Variants in HSF2BP observed in about 807,000 individuals in gnomAD.
The protein encoded by HSF2BP is heat shock factor 2-binding protein.
A neutral mutation model predicts 35.0 loss-of-function variants in HSF2BP; 35 were observed. The observed-to-expected ratio is 1.00, with a 90% CI of 0.76 to 1.32. HSF2BP has a LOEUF of 1.32. Among genes scored for constraint, HSF2BP ranks in the 40% most tolerant of loss-of-function variants. HSF2BP has a pLI of 0.00. For missense variants in HSF2BP, 326 were observed against 321.7 expected, an observed-to-expected ratio of 1.01 and a Z score of -0.10; for synonymous variants, 114 against 117.4, an observed-to-expected ratio of 0.97 and a Z score of 0.18.
At chr21:43,604,822 C>T (rs751523158) in intron 7 of HSF2BP, among the ~76,000 whole-genome samples, 56 of 136,146 alleles carry the variant, frequency 4.1e-4, no homozygotes, top group Non-Finnish European at 6.6e-4. Context: ...CCACCCACAT[C>T]GCACACCACA....
chr21:43,604,870 ATACACACCATACAC>A (rs1442646079), intron 7 of HSF2BP, among the ~76,000 whole-genome samples: 3 of 121,246 alleles, frequency 2.5e-5, no homozygotes, highest in African/African-American at 9.4e-5. Context: ...CACACACCAC[ATACACACCATACAC>A]TACACACCAC....
At chr21:43,591,179 A>G (rs1447620639) in intron 8 of HSF2BP, among the ~76,000 whole-genome samples, 1 of 152,234 alleles carries the variant, frequency 6.6e-6, no homozygotes, top group African/African-American at 2.4e-5. Flanking sequence ...TTATGATGAA[A>G]TTGGGACAGA....
At chr21:43,622,780 C>T (rs182623236) in intron 6 of HSF2BP, among the ~76,000 whole-genome samples, 88 of 152,132 alleles carry the variant, frequency 5.8e-4, no homozygotes, top group African/African-American at 2.0e-3. Context: ...AAAAAAAAAT[C>T]AACAAAGAAA....
Position 43,632,049 on chromosome 21 carries a change from T to TC in HSF2BP, c.441+1222dup, listed in dbSNP as rs140069817. 1.4e-3 allele frequency among the ~76,000 whole-genome samples: 13 copies of TC among 9,266 alleles called. 1 individual carries two copies. Among genetic ancestry groups the TC allele is most frequent in the South Asian group, 0.015 (2 of 134 alleles). 6.1% of individuals were successfully genotyped at this position (9,266 alleles called of 152,430 possible). ...CACATGCTCCCACACACACACACGC[T>TC]CCCCCCCCACACACGCTCCCACATA... On this transcript the variant is annotated intron_variant, in intron 5 of 8. Coordinates refer to ENST00000291560, the MANE Select transcript of HSF2BP (RefSeq NM_007031.2).
chr21:43,654,261 G>A (rs981642702), intron 3 of HSF2BP, among the ~76,000 whole-genome samples: 14 of 152,188 alleles, frequency 9.2e-5, no homozygotes, highest in African/African-American at 3.4e-4. Flanking sequence ...ATACAAGTAA[G>A]AAGATCCCAC....
At chr21:43,578,902 TA>T (rs1451445430) in intron 8 of HSF2BP, among the ~76,000 whole-genome samples, 2 of 152,026 alleles carry the variant, frequency 1.3e-5, no homozygotes, top group African/African-American at 4.8e-5. Flanking sequence ...AAGAGAAGAC[TA>T]GTTGTGTACC....
chr21:43,632,351 T>C (rs931464869), intron 5 of HSF2BP, among the ~76,000 whole-genome samples: 78 of 15,050 alleles, frequency 5.2e-3, no homozygotes, highest in Non-Finnish European at 6.1e-3. Context: ...CATGCTCCCA[T>C]ACACACACGC....
At chr21:43,572,987 T>C (rs1357375159) in intron 8 of HSF2BP, among the ~76,000 whole-genome samples, 1 of 152,240 alleles carries the variant, frequency 6.6e-6, no homozygotes, top group Non-Finnish European at 1.5e-5. Context: ...AGTGAGAAGT[T>C]TCCCTTGTTC....
Position 43,656,647 on chromosome 21 carries a change from G to A in HSF2BP, c.127C>T (p.Pro43Ser), listed in dbSNP as rs766950991. 6.2e-7 allele frequency: 1 copy of A among 1,613,756 alleles called. No individual in the cohort carries two copies. The highest frequency in any genetic ancestry group is 1.3e-5 in the African/African-American group (1 of 74,896). Reference sequence around the variant, plus strand: ...AGCACCTCCCCATTTAGTATTCTGGGTAAGAAGTCCCGTATTTGCATCACT... The same window carrying A: ...AGCACCTCCCCATTTAGTATTCTGGATAAGAAGTCCCGTATTTGCATCACT... ...TEVMQIRDFL[P>S]RILNGEVLES... Residue 43 changes from proline to serine, a missense_variant, in exon 3 of 9, where the codon CCC (proline) becomes TCC (serine). Physicochemically the swap from Pro to Ser is moderately conservative, Grantham distance 74. Transcript: ENST00000291560.
At chr21:43,579,217 T>G (rs1263690805) in intron 8 of HSF2BP, among the ~76,000 whole-genome samples, 1 of 152,206 alleles carries the variant, frequency 6.6e-6, no homozygotes, top group Non-Finnish European at 1.5e-5. Context: ...TTTTCTAATC[T>G]CACAACAACA....
At chr21:43,641,535 G>T (rs2147068663) in intron 4 of HSF2BP, among the ~76,000 whole-genome samples, 1 of 152,282 alleles carries the variant, frequency 6.6e-6, no homozygotes, top group Middle Eastern at 3.4e-3. Flanking sequence ...GGGTTCAGAA[G>T]CTGCTTGCTC....
intron 7 of HSF2BP, among the ~76,000 whole-genome samples, chr21:43,605,767 C>T (rs777388828): frequency 6.6e-6 from 1 of 151,126 alleles, no homozygotes; most frequent in Non-Finnish European, 1.5e-5. Flanking sequence ...ACACACACAC[C>T]ACACACATTC....
At chr21:43,650,501 G>A (rs989385975) in intron 3 of HSF2BP, among the ~76,000 whole-genome samples, 9 of 151,782 alleles carry the variant, frequency 5.9e-5, no homozygotes, top group Admixed American at 1.3e-4. Flanking sequence ...CACCGTGCCC[G>A]GCCCATAAAA....
the HSF2BP span, among the ~76,000 whole-genome samples, chr21:43,497,350 TA>T: frequency 2.1e-4 from 23 of 107,352 alleles, 6 homozygotes; most frequent in Non-Finnish European, 4.0e-4. Flanking sequence ...TTAAATTTTT[TA>T]AAAAAGTGAA....
chr21:43,572,675 T>A (rs571569245), intron 8 of HSF2BP, among the ~76,000 whole-genome samples: 1 of 152,334 alleles, frequency 6.6e-6, no homozygotes, highest in East Asian at 1.9e-4. Flanking sequence ...CTCCTCTCTG[T>A]TGGAAAACTA....
At chr21:43,636,864 C>T (rs1000107971) in intron 4 of HSF2BP, among the ~76,000 whole-genome samples, 1 of 141,110 alleles carries the variant, frequency 7.1e-6, no homozygotes, top group Admixed American at 7.7e-5. Context: ...TACACTCCAG[C>T]CTGGGCGAGA....
At chr21:43,638,026 G>A (rs926468717) in intron 4 of HSF2BP, among the ~76,000 whole-genome samples, 1 of 152,180 alleles carries the variant, frequency 6.6e-6, no homozygotes, top group Non-Finnish European at 1.5e-5. Context: ...GGCTACGCAA[G>A]AAGGAAAGAG....
chr21:43,584,907 CCCTCAAAGCAAG>C, intron 8 of HSF2BP, among the ~76,000 whole-genome samples: 1 of 152,142 alleles, frequency 6.6e-6, no homozygotes, highest in Non-Finnish European at 1.5e-5. Flanking sequence ...TTGAAAAATA[CCCTCAAAGCAAG>C]AAGTTAAGTT....
At chr21:43,630,628 G>A (rs1211986764) in intron 5 of HSF2BP, among the ~76,000 whole-genome samples, 174 bp from the exon 6 acceptor site, 5 of 152,122 alleles carry the variant, frequency 3.3e-5, no homozygotes, top group Non-Finnish European at 7.3e-5. Flanking sequence ...GCATGCAGGA[G>A]CAACAAAAAC....
Sources: allele counts gnomAD v4.1 joint callset (sites outside exome capture counted in the v4.1 genomes callset), GRCh38; gene constraint gnomAD v4.1.1; transcripts MANE v1.5; gene names NCBI Gene and HGNC (gene_info 2026-07-23, HGNC 2026-07-21).